COL13A1: variants seen among roughly 807,000 people sequenced by gnomAD.
COL13A1 encodes the protein collagen type XIII alpha 1 chain.
Under a neutral mutation model 130.9 loss-of-function variants are expected in COL13A1, and 89 were observed. The observed-to-expected ratio is 0.68, with a 90% CI of 0.57 to 0.81. The LOEUF (loss-of-function observed/expected upper bound fraction) is 0.81. Among genes scored for constraint, COL13A1 ranks in the 30% least tolerant of loss-of-function variants. The pLI, the probability that COL13A1 is intolerant of heterozygous loss-of-function variation, is 0.00. For missense variants in COL13A1, 879 were observed against 934.6 expected (o/e 0.94, Z 0.78); for synonymous variants, 402 against 341.6 (o/e 1.18, Z -1.95).
chr10:69,912,766 C>A (rs1305102692), intron 17 of COL13A1, among the ~76,000 whole-genome samples: 1 of 152,194 alleles, frequency 6.6e-6, no homozygotes, highest in African/African-American at 2.4e-5. Flanking sequence ...CGTAAAGCCC[C>A]CTTCCTTCCT....
At chr10:69,954,478 G>A (rs1254382476) in intron 39 of COL13A1, among the ~76,000 whole-genome samples, 1 of 152,232 alleles carries the variant, frequency 6.6e-6, no homozygotes, top group Non-Finnish European at 1.5e-5. Flanking sequence ...ATCACTGGCT[G>A]AGCACCTAGC....
chr10:69,844,984 C>T (rs1348406078), intron 2 of COL13A1, among the ~76,000 whole-genome samples: 1 of 152,118 alleles, frequency 6.6e-6, no homozygotes, highest in African/African-American at 2.4e-5. Context: ...TGAGTAGGAG[C>T]TTGCTGGAAA....
At chr10:69,931,723 C>T (rs1038821647) in intron 30 of COL13A1, among the ~76,000 whole-genome samples, 7 of 152,184 alleles carry the variant, frequency 4.6e-5, no homozygotes, top group African/African-American at 1.7e-4. Flanking sequence ...TCAGCCTCCC[C>T]GAGTTGACCC....
chr10:69,897,583 G>T, intron 13 of COL13A1: 1 of 1,593,184 alleles, frequency 6.3e-7, no homozygotes, highest in South Asian at 1.1e-5. Flanking sequence ...GAGGCTTCCT[G>T]AACATACAGC....
At chr10:69,833,759 C>G (rs1315659272) in intron 2 of COL13A1, among the ~76,000 whole-genome samples, 1 of 152,132 alleles carries the variant, frequency 6.6e-6, no homozygotes, top group African/African-American at 2.4e-5. Flanking sequence ...TCCACACACA[C>G]CCCCACACCC....
chr10:69,909,967 A>T (rs1444585434), intron 17 of COL13A1, among the ~76,000 whole-genome samples: 1 of 152,152 alleles, frequency 6.6e-6, no homozygotes, highest in Admixed American at 6.5e-5. Flanking sequence ...GGAATTTGAA[A>T]CCAGGCCTCA....
In COL13A1 at chr10:69,829,312, C is replaced by T. The variant is rs746703953; in HGVS notation, c.364+6874C>T. ...GTATTTTTAACATTGATGTATAACT[C>T]CAGATAACCAAAGCACTTCAGTACT... is the stretch of plus-strand genomic sequence containing the variant. On this transcript the variant is annotated intron_variant, in intron 2 of 40. Transcript: ENST00000645393. 1.5e-4 allele frequency: 148 copies of T among 958,608 alleles called. 1 individual carries two copies. The highest frequency in any genetic ancestry group is 1.2e-4 in the East Asian group (1 of 8,684). The allele number at this position is 958,608 out of a possible 1,614,324, so 59.4% of individuals were successfully genotyped here.
chr10:69,841,004 G>A (rs769682391), intron 2 of COL13A1, among the ~76,000 whole-genome samples: 2 of 152,008 alleles, frequency 1.3e-5, no homozygotes, highest in Non-Finnish European at 2.9e-5. Flanking sequence ...AAACCCTGCA[G>A]TGGCGCCAGT....
intron 40 of COL13A1, among the ~76,000 whole-genome samples, chr10:69,957,274 C>T (rs2070926346): frequency 6.6e-6 from 1 of 152,228 alleles, no homozygotes; most frequent in Non-Finnish European, 1.5e-5. Context: ...CATGCAGCCA[C>T]ACAGGTGACA....
intron 17 of COL13A1, among the ~76,000 whole-genome samples, chr10:69,916,546 C>G (rs768641222): frequency 1.3e-5 from 2 of 152,174 alleles, no homozygotes; most frequent in Non-Finnish European, 2.9e-5. Flanking sequence ...TGTGGTGTGT[C>G]CTTCTTCCTG....
intron 37 of COL13A1, 84 bp from the exon 38 acceptor site, chr10:69,947,223 A>C (rs1346033550): frequency 4.1e-6 from 5 of 1,207,952 alleles, no homozygotes; most frequent in Non-Finnish European, 4.9e-6. Context: ...GCATTGGGAG[A>C]GTTTGATGAG....
chr10:69,956,664 G>T (rs746460390), intron 39 of COL13A1: 1 of 258,734 alleles, frequency 3.9e-6, no homozygotes, highest in Non-Finnish European at 7.8e-6. Flanking sequence ...GTGCTGAGTG[G>T]CTTACCCGTG....
intron 5 of COL13A1, among the ~76,000 whole-genome samples, chr10:69,877,812 A>C (rs1474955998): frequency 6.6e-6 from 1 of 152,002 alleles, no homozygotes; most frequent in Non-Finnish European, 1.5e-5. Flanking sequence ...GAGCAGCTGC[A>C]CATTGCAGCA....
intron 2 of COL13A1, among the ~76,000 whole-genome samples, chr10:69,828,999 C>G (rs1041967816): frequency 6.6e-6 from 1 of 152,150 alleles, no homozygotes; most frequent in African/African-American, 2.4e-5. Flanking sequence ...ACCTACAAAC[C>G]ACACTGGGCA....
At chr10:69,849,368 A>T (rs1434150121) in intron 2 of COL13A1, among the ~76,000 whole-genome samples, 1 of 152,186 alleles carries the variant, frequency 6.6e-6, no homozygotes, top group Non-Finnish European at 1.5e-5. Flanking sequence ...CTTCCGCAGC[A>T]GTGCCCCCTG....
chr10:69,870,144 T>G (rs2058911440), intron 3 of COL13A1, among the ~76,000 whole-genome samples: 2 of 152,152 alleles, frequency 1.3e-5, no homozygotes, highest in Non-Finnish European at 2.9e-5. Context: ...ATATGGATGT[T>G]GTAAGGTATA....
At position 69,930,059 on chromosome 10, in the gene COL13A1, C is replaced by T; in HGVS notation, c.1502C>T (p.Pro501Leu). The T allele has an allele frequency of 6.2e-7, 1 of 1,613,928 alleles. No individual in the cohort carries two copies. The highest frequency in any genetic ancestry group is 1.3e-5 in the African/African-American group (1 of 75,036). ...IPGQKGEIGL[P>L]GPPGHDGEKG... ...CGGTTACAGGGGGAGATTGGACTGC[C>T]AGGCCCTCCAGGACACGATGGGGAA... is the stretch of plus-strand genomic sequence containing the variant. Residue 501 changes from proline to leucine, a missense_variant, in exon 29 of 41, where the codon CCA becomes CTA. Physicochemically the swap from Pro to Leu is moderately conservative, Grantham distance 98. Coordinates refer to ENST00000645393, the MANE Select transcript of COL13A1 (RefSeq NM_001368882.1).
At chr10:69,865,216 T>A (rs1373995797) in intron 2 of COL13A1, among the ~76,000 whole-genome samples, 2 of 152,202 alleles carry the variant, frequency 1.3e-5, no homozygotes, top group African/African-American at 4.8e-5. Context: ...CTGTGGGGAC[T>A]TGGTAATGCC....
intron 38 of COL13A1, among the ~76,000 whole-genome samples, chr10:69,950,536 C>G (rs1284085588): frequency 1.3e-5 from 2 of 152,172 alleles, no homozygotes; most frequent in Non-Finnish European, 2.9e-5. Context: ...GCTCATGACC[C>G]AGAGAATGAG....
Sources: gnomAD v4.1 joint callset for allele counts (sites outside exome capture counted in the v4.1 genomes callset) on GRCh38, gnomAD v4.1.1 for gene constraint, MANE v1.5 for transcripts, NCBI Gene and HGNC (gene_info 2026-07-23, HGNC 2026-07-21) for gene names.